Variants in ESRRG observed in about 807,000 individuals in gnomAD.
The protein encoded by ESRRG is estrogen related receptor gamma, also known as estrogen-related receptor gamma.
Under a neutral mutation model 44.0 loss-of-function variants are expected in ESRRG, and 13 were observed. The ratio of observed to expected loss-of-function variants is 0.30; its 90% CI spans 0.19 to 0.47. The LOEUF (loss-of-function observed/expected upper bound fraction) is 0.47. Among genes scored for constraint, ESRRG ranks in the 20% least tolerant of loss-of-function variants. The pLI, the probability that ESRRG is intolerant of heterozygous loss-of-function variation, is 1.00. For synonymous variants in ESRRG, 215 were observed against 214.6 expected, an observed-to-expected ratio of 1.00 and a Z score of -0.02; for missense variants, 395 against 580.6, an observed-to-expected ratio of 0.68 and a Z score of 3.29.
At chr1:216,916,141 T>C (rs2061138004) in intron 2 of ESRRG, among the ~76,000 whole-genome samples, 1 of 152,186 alleles carries the variant, frequency 6.6e-6, no homozygotes, top group African/African-American at 2.4e-5. Context: ...ATGGAAAGAA[T>C]GAGCTTCAGA....
At chr1:216,657,766 T>C (rs1218851584) in intron 2 of ESRRG, among the ~76,000 whole-genome samples, 1 of 152,148 alleles carries the variant, frequency 6.6e-6, no homozygotes, top group Non-Finnish European at 1.5e-5. Context: ...AGCAATTTCA[T>C]ACACAGGAGT....
intron 2 of ESRRG, among the ~76,000 whole-genome samples, chr1:216,927,952 G>A (rs781747935): frequency 6.6e-5 from 10 of 152,142 alleles, no homozygotes; most frequent in Admixed American, 3.3e-4. Context: ...CTTTAACTTC[G>A]AAAGAATTCA....
intron 1 of ESRRG, among the ~76,000 whole-genome samples, chr1:216,710,224 G>T (rs1296988559): frequency 6.6e-6 from 1 of 152,076 alleles, no homozygotes; most frequent in Non-Finnish European, 1.5e-5. Context: ...GTTTTATGTT[G>T]TTCACACCTG....
chr1:217,116,092 T>G (rs1331271788), intron 1 of ESRRG, among the ~76,000 whole-genome samples: 1 of 152,196 alleles, frequency 6.6e-6, no homozygotes, highest in East Asian at 1.9e-4. Flanking sequence ...TAGTGTGTGT[T>G]TTTTCCCAAG....
intron 2 of ESRRG, among the ~76,000 whole-genome samples, chr1:216,824,482 A>T (rs1014866811): frequency 1.4e-5 from 2 of 145,396 alleles, no homozygotes; most frequent in Non-Finnish European, 3.0e-5. Context: ...AGTCATTTTA[A>T]TTTTTTTTTT....
At chr1:216,746,390 AC>A (rs1178522639) in intron 2 of ESRRG, among the ~76,000 whole-genome samples, 2 of 152,206 alleles carry the variant, frequency 1.3e-5, no homozygotes, top group East Asian at 3.8e-4. Flanking sequence ...ATTCATATTT[AC>A]AGGCAAAATG....
chr1:216,566,561 C>T (rs1392956122), intron 4 of ESRRG, among the ~76,000 whole-genome samples: 1 of 152,142 alleles, frequency 6.6e-6, no homozygotes, highest in Non-Finnish European at 1.5e-5. Context: ...AGGAAATTAT[C>T]AATGGTTTCA....
At chr1:216,817,778 C>G (rs943280383) in intron 2 of ESRRG, among the ~76,000 whole-genome samples, 1 of 152,196 alleles carries the variant, frequency 6.6e-6, no homozygotes, top group Non-Finnish European at 1.5e-5. Flanking sequence ...CTATCAAGTG[C>G]TTGATACACA....
At chr1:216,674,615 C>CT (rs5780904) in intron 2 of ESRRG, among the ~76,000 whole-genome samples, 61,873 of 127,662 alleles carry the variant, frequency 0.48, 15,355 homozygotes, top group South Asian at 0.65. Context: ...TTTGGGTAAA[C>CT]TTTTTTTTTT....
At chr1:217,078,176 A>G (rs984788558) in intron 1 of ESRRG, 1 of 152,240 alleles carries the variant, frequency 6.6e-6, no homozygotes, top group Non-Finnish European at 1.5e-5. Flanking sequence ...AGTTTCAAGG[A>G]CAAATGTCTT....
At chr1:216,861,173 A>C (rs1035268603) in intron 2 of ESRRG, among the ~76,000 whole-genome samples, 2 of 152,046 alleles carry the variant, frequency 1.3e-5, no homozygotes, top group Non-Finnish European at 2.9e-5. Flanking sequence ...TAAAAATATG[A>C]AGAGAAAGAA....
chr1:216,664,254 G>A (rs1047055434), intron 2 of ESRRG, among the ~76,000 whole-genome samples: 2 of 151,966 alleles, frequency 1.3e-5, no homozygotes, highest in Non-Finnish European at 2.9e-5. Flanking sequence ...AGATTTCGGG[G>A]ACCCAGTTGT....
chr1:217,134,390 A>G (rs1038950116), intron 1 of ESRRG, among the ~76,000 whole-genome samples: 1 of 152,190 alleles, frequency 6.6e-6, no homozygotes, highest in Non-Finnish European at 1.5e-5. Context: ...GGTGGTGCCT[A>G]AGAAGTTGAT....
intron 2 of ESRRG, among the ~76,000 whole-genome samples, chr1:216,850,793 AT>A (rs2095830864): frequency 6.6e-6 from 1 of 151,964 alleles, no homozygotes; most frequent in Admixed American, 6.6e-5. Flanking sequence ...TAAGTTTCAT[AT>A]TTTTCATTGA....
At chr1:216,677,923 T>C (rs2076385743) in intron 1 of ESRRG, among the ~76,000 whole-genome samples, 1 of 152,238 alleles carries the variant, frequency 6.6e-6, no homozygotes, top group Non-Finnish European at 1.5e-5. Flanking sequence ...TCTAAAATTG[T>C]ATTTATCCTC....
chr1:216,820,378 C>G (rs778288477), intron 2 of ESRRG, among the ~76,000 whole-genome samples: 6 of 152,052 alleles, frequency 3.9e-5, no homozygotes, highest in Non-Finnish European at 7.4e-5. Context: ...AAAAGAGAAA[C>G]AACTCATAAA....
chr1:216,849,800 T>C (rs942150462), intron 2 of ESRRG, among the ~76,000 whole-genome samples: 1 of 152,150 alleles, frequency 6.6e-6, no homozygotes, highest in South Asian at 2.1e-4. Context: ...TTGAAGTAGC[T>C]TATACAAACA....
intron 1 of ESRRG, among the ~76,000 whole-genome samples, chr1:217,058,522 C>T (rs1277231537): frequency 2.0e-5 from 3 of 152,060 alleles, no homozygotes; most frequent in Non-Finnish European, 4.4e-5. Context: ...AGGGGACTAA[C>T]AGAGAGCAGA....
At chr1:216,718,895 A>G (rs2085521789) in intron 1 of ESRRG, among the ~76,000 whole-genome samples, 1 of 152,006 alleles carries the variant, frequency 6.6e-6, no homozygotes, top group Non-Finnish European at 1.5e-5. Context: ...CTTATTTCTA[A>G]AAGCTGGATA....
Sources: allele counts gnomAD v4.1 joint callset (sites outside exome capture counted in the v4.1 genomes callset), GRCh38; gene constraint gnomAD v4.1.1; transcripts MANE v1.5; gene names NCBI Gene and HGNC (gene_info 2026-07-23, HGNC 2026-07-21).